Variants in ABTB3 observed in about 807,000 individuals in gnomAD.
ABTB3 encodes the protein ankyrin repeat- and BTB/POZ domain-containing protein 3.
the ABTB3 span, among the ~76,000 whole-genome samples, chr12:107,467,445 A>G: frequency 6.6e-6 from 1 of 152,188 alleles, no homozygotes; most frequent in Admixed American, 6.5e-5. Flanking sequence ...AACTCCTGAC[A>G]GCCTTGGCAC....
the ABTB3 span, among the ~76,000 whole-genome samples, chr12:107,539,605 C>G: frequency 6.6e-6 from 1 of 152,202 alleles, no homozygotes; most frequent in Non-Finnish European, 1.5e-5. Flanking sequence ...GCTCAGCGTT[C>G]AGAATGCTGG....
chr12:107,589,243 C>T, the ABTB3 span, among the ~76,000 whole-genome samples: 1 of 152,180 alleles, frequency 6.6e-6, no homozygotes, highest in African/African-American at 2.4e-5. Flanking sequence ...TTGCCAAAAA[C>T]AATAGCCTCA....
At chr12:107,492,797 C>T in the ABTB3 span, among the ~76,000 whole-genome samples, 38 of 152,228 alleles carry the variant, frequency 2.5e-4, 1 homozygote, top group Non-Finnish European at 5.0e-4. Flanking sequence ...TAGGGGACAG[C>T]CACAGGGAAA....
chr12:107,469,942 C>CTT, the ABTB3 span, among the ~76,000 whole-genome samples: 33 of 59,342 alleles, frequency 5.6e-4, 4 homozygotes, highest in African/African-American at 1.2e-3. Context: ...CTCTTTCTTT[C>CTT]TCTTTCTTTC....
chr12:107,561,495 G>A, the ABTB3 span, among the ~76,000 whole-genome samples: 5 of 152,118 alleles, frequency 3.3e-5, no homozygotes, highest in Non-Finnish European at 7.3e-5. Flanking sequence ...AGATACACAA[G>A]TATAATTGAG....
chr12:107,552,645 C>T, the ABTB3 span, among the ~76,000 whole-genome samples: 80,624 of 152,028 alleles, frequency 0.53, 21,648 homozygotes, highest in East Asian at 0.65. Context: ...TTCTTTCATG[C>T]CAAAGTTAAT....
chr12:107,469,028 A>G, the ABTB3 span, among the ~76,000 whole-genome samples: 6 of 152,222 alleles, frequency 3.9e-5, no homozygotes. Flanking sequence ...GCAGGAAGAC[A>G]AGGATAACAA....
the ABTB3 span, among the ~76,000 whole-genome samples, chr12:107,440,090 G>A: frequency 1.1e-4 from 16 of 152,222 alleles, no homozygotes; most frequent in South Asian, 2.1e-4. Context: ...ACCTCCCCCC[G>A]CCGCTCCTTA....
At chr12:107,344,420 G>C in the ABTB3 span, among the ~76,000 whole-genome samples, 3 of 152,246 alleles carry the variant, frequency 2.0e-5, no homozygotes, top group African/African-American at 7.2e-5. Flanking sequence ...ATCGTAGCTA[G>C]TTAATGACCT....
At chr12:107,371,988 T>A in the ABTB3 span, among the ~76,000 whole-genome samples, 1 of 152,238 alleles carries the variant, frequency 6.6e-6, no homozygotes, top group Non-Finnish European at 1.5e-5. Context: ...TCTGGTCTTC[T>A]TCATAGTTCT....
the ABTB3 span, among the ~76,000 whole-genome samples, chr12:107,343,560 A>G: frequency 6.6e-6 from 1 of 152,196 alleles, no homozygotes; most frequent in African/African-American, 2.4e-5. Flanking sequence ...GGCTTAAACA[A>G]GGTAGGGAGT....
At chr12:107,647,689 G>C in the ABTB3 span, among the ~76,000 whole-genome samples, 1 of 152,212 alleles carries the variant, frequency 6.6e-6, no homozygotes, top group Non-Finnish European at 1.5e-5. Flanking sequence ...AAATTCAAGA[G>C]CTGACATTTG....
chr12:107,609,635 C>T, the ABTB3 span, among the ~76,000 whole-genome samples: 34 of 152,344 alleles, frequency 2.2e-4, no homozygotes, highest in African/African-American at 7.2e-4. Context: ...AAGGCCCTTG[C>T]TCTCAGAAGT....
At chr12:107,343,877 T>C in the ABTB3 span, among the ~76,000 whole-genome samples, 3 of 152,188 alleles carry the variant, frequency 2.0e-5, no homozygotes, top group Non-Finnish European at 4.4e-5. Context: ...CTCACTATCA[T>C]GAGAACAGCA....
chr12:107,631,005 A>G, the ABTB3 span, among the ~76,000 whole-genome samples: 8 of 152,140 alleles, frequency 5.3e-5, no homozygotes, highest in African/African-American at 1.7e-4. Context: ...ATGGATATAC[A>G]TGATGCTGAG....
chr12:107,535,298 A>C, the ABTB3 span, among the ~76,000 whole-genome samples: 3 of 152,170 alleles, frequency 2.0e-5, no homozygotes. Flanking sequence ...TGAAGGCCAT[A>C]TATGACACAC....
chr12:107,564,090 CTGTGTGTGTGTGTGTGTGTGTG>C, the ABTB3 span, among the ~76,000 whole-genome samples: 1 of 126,438 alleles, frequency 7.9e-6, no homozygotes, highest in South Asian at 2.7e-4. Context: ...ATCTATCTCT[CTGTGTGTGTGTGTGTGTGTGTG>C]TGTGTGTGTG....
chr12:107,601,313 A>T, the ABTB3 span, among the ~76,000 whole-genome samples: 1 of 152,188 alleles, frequency 6.6e-6, no homozygotes, highest in African/African-American at 2.4e-5. Context: ...AGACACTCAG[A>T]CCTTCGCCTC....
the ABTB3 span, among the ~76,000 whole-genome samples, chr12:107,637,806 GT>G: frequency 1.3e-5 from 2 of 150,836 alleles, no homozygotes; most frequent in African/African-American, 4.9e-5. Context: ...GTGTGTGTGT[GT>G]GTGTGTGTGT....
Sources: allele counts gnomAD v4.1 joint callset (sites outside exome capture counted in the v4.1 genomes callset), GRCh38; gene constraint gnomAD v4.1.1; transcripts MANE v1.5; gene names NCBI Gene and HGNC (gene_info 2026-07-23, HGNC 2026-07-21).